The following FOCAD variants were observed in gnomAD, a reference collection of about 807,000 sequenced individuals.
FOCAD encodes the protein focadhesin.
In FOCAD, 198 loss-of-function variants were observed where a neutral mutation model predicts 225.6. The ratio of observed to expected loss-of-function variants is 0.88; its 90% CI spans 0.78 to 0.99. FOCAD has a LOEUF of 0.99. Ranked by LOEUF, FOCAD falls within the 50% of genes least tolerant of loss-of-function variation. The pLI is 0.00. For missense variants in FOCAD, 2,713 were observed against 2,123.6 expected, an observed-to-expected ratio of 1.28 and a Z score of -5.46; for synonymous variants, 897 against 755.0, an observed-to-expected ratio of 1.19 and a Z score of -3.08.
chr9:20,980,119 A>C (rs1286328190), intron 37 of FOCAD, among the ~76,000 whole-genome samples: 2 of 151,258 alleles, frequency 1.3e-5, no homozygotes, highest in East Asian at 3.9e-4. Context: ...TATTTATATA[A>C]TTTTATATAA....
At chr9:20,907,060 A>T (rs1007606383) in intron 21 of FOCAD, 90 bp from the exon 22 acceptor site, 1 of 1,004,010 alleles carries the variant, frequency 1.0e-6, no homozygotes, top group Non-Finnish European at 1.5e-6. Context: ...TAAACCACTT[A>T]AGGAAAAGAA....
chr9:20,661,787 T>C (rs1218127521), intron 2 of FOCAD, among the ~76,000 whole-genome samples: 1 of 152,184 alleles, frequency 6.6e-6, no homozygotes, highest in African/African-American at 2.4e-5. Flanking sequence ...ACTCAGAAAT[T>C]CTACTTCTGT....
intron 11 of FOCAD, among the ~76,000 whole-genome samples, chr9:20,803,792 A>T (rs139933136): frequency 6.6e-6 from 1 of 152,214 alleles, no homozygotes; most frequent in African/African-American, 2.4e-5. Flanking sequence ...AAGACACCCT[A>T]ACTCAGTGTT....
chr9:20,738,298 AT>A (rs1163929524), intron 4 of FOCAD, among the ~76,000 whole-genome samples: 1 of 152,206 alleles, frequency 6.6e-6, no homozygotes, highest in Non-Finnish European at 1.5e-5. Flanking sequence ...TCTTGAGGCA[AT>A]TACACTTCAT....
chr9:20,940,532 A>C (rs1836542855), intron 28 of FOCAD, among the ~76,000 whole-genome samples: 1 of 151,972 alleles, frequency 6.6e-6, no homozygotes, highest in African/African-American at 2.4e-5. Context: ...TAATCCTCCC[A>C]ACCCTGGCCT....
chr9:20,966,524 A>T (rs1401600417), intron 35 of FOCAD, among the ~76,000 whole-genome samples: 2 of 152,116 alleles, frequency 1.3e-5, no homozygotes, highest in African/African-American at 4.8e-5. Context: ...ACTTCGACAG[A>T]GTCCAATTTA....
chr9:20,836,279 G>T (rs1190645004), intron 15 of FOCAD, among the ~76,000 whole-genome samples: 1 of 152,096 alleles, frequency 6.6e-6, no homozygotes, highest in African/African-American at 2.4e-5. Context: ...TCCATTGTCT[G>T]ATGGCAGGTT....
intron 2 of FOCAD, among the ~76,000 whole-genome samples, chr9:20,667,344 T>G (rs948065869): frequency 6.6e-6 from 1 of 152,256 alleles, no homozygotes; most frequent in Admixed American, 6.5e-5. Context: ...TGAAATGGAC[T>G]TATAAATCTT....
At chr9:20,798,251 G>C (rs990860547) in intron 11 of FOCAD, among the ~76,000 whole-genome samples, 1 of 152,194 alleles carries the variant, frequency 6.6e-6, no homozygotes, top group East Asian at 1.9e-4. Context: ...TGGTTTGCCA[G>C]TATTTTATTG....
intron 11 of FOCAD, among the ~76,000 whole-genome samples, chr9:20,817,331 A>C (rs1823829377): frequency 6.6e-6 from 1 of 152,076 alleles, no homozygotes; most frequent in Non-Finnish European, 1.5e-5. Flanking sequence ...CCCCGAAGGA[A>C]ACCCCATGCC....
At chr9:20,679,180 G>T (rs1822326057) in intron 2 of FOCAD, among the ~76,000 whole-genome samples, 1 of 145,666 alleles carries the variant, frequency 6.9e-6, no homozygotes, top group Admixed American at 6.9e-5. Context: ...TGTTGGGGAT[G>T]GAGGTGTGTG....
intron 15 of FOCAD, among the ~76,000 whole-genome samples, chr9:20,861,358 A>G (rs974600412): frequency 1.3e-5 from 2 of 152,118 alleles, no homozygotes; most frequent in African/African-American, 2.4e-5. Flanking sequence ...TTTGGGTTTT[A>G]TTTCAAATGC....
chr9:20,944,655 G>T lies in FOCAD; in HGVS notation c.3436G>T (p.Val1146Phe). ...GGGCTGTATATTGGGAGTTGGACTT[G>T]TTCTGTCCCTCATGAGCCACAGCAG... is the stretch of plus-strand genomic sequence containing the variant. Reference protein sequence around the residue: ...NTGCILGVGLVLSLMSHSSQM... With the variant: ...NTGCILGVGLFLSLMSHSSQM... The change falls in exon 29 of 44, where the codon GTT (valine) becomes TTT (phenylalanine). Residue 1146 changes from valine (V) to phenylalanine (F), a missense_variant. By Grantham distance (50) the Val-to-Phe change is conservative. Coordinates refer to ENST00000338382, the MANE Select transcript of FOCAD (RefSeq NM_001375567.1). The T allele has an allele frequency of 6.2e-7, 1 of 1,613,954 alleles. No homozygotes were observed. Among genetic ancestry groups the T allele is most frequent in the Non-Finnish European group, 8.5e-7 (1 of 1,179,914 alleles).
intron 9 of FOCAD, among the ~76,000 whole-genome samples, 185 bp downstream of exon 9, chr9:20,778,953 A>G (rs958584996): frequency 4.6e-5 from 7 of 152,180 alleles, no homozygotes; most frequent in Non-Finnish European, 7.3e-5. Flanking sequence ...TTAATATAAC[A>G]TAATTTACCA....
intron 15 of FOCAD, among the ~76,000 whole-genome samples, chr9:20,860,755 C>A (rs1374649939): frequency 6.6e-6 from 1 of 152,216 alleles, no homozygotes; most frequent in Non-Finnish European, 1.5e-5. Context: ...AAGTGATCCA[C>A]CCACCTCGGC....
At chr9:20,835,213 A>G (rs765364215) in intron 15 of FOCAD, among the ~76,000 whole-genome samples, 2 of 151,884 alleles carry the variant, frequency 1.3e-5, no homozygotes, top group African/African-American at 4.8e-5. Context: ...TTTTCATGCC[A>G]TGTACAATGT....
chr9:20,807,223 C>T (rs1368764222), intron 11 of FOCAD, among the ~76,000 whole-genome samples: 6 of 152,280 alleles, frequency 3.9e-5, no homozygotes, highest in Non-Finnish European at 7.4e-5. Context: ...ATTCCAGGAG[C>T]GGTGCTAGAC....
intron 1 of FOCAD, among the ~76,000 whole-genome samples, chr9:20,689,104 A>G (rs1822830072): frequency 6.6e-6 from 1 of 152,236 alleles, no homozygotes; most frequent in Non-Finnish European, 1.5e-5. Context: ...AAGGATTAAA[A>G]GTCTGGATGA....
intron 35 of FOCAD, among the ~76,000 whole-genome samples, chr9:20,963,593 T>C (rs1432843778): frequency 6.6e-6 from 1 of 152,234 alleles, no homozygotes; most frequent in Non-Finnish European, 1.5e-5. Context: ...CAGTGCAGAA[T>C]TGGATGCATT....
Sources: allele counts gnomAD v4.1 joint callset (sites outside exome capture counted in the v4.1 genomes callset), GRCh38; gene constraint gnomAD v4.1.1; transcripts MANE v1.5; gene names NCBI Gene and HGNC (gene_info 2026-07-23, HGNC 2026-07-21).